PARVA: variants seen among roughly 807,000 people sequenced by gnomAD.
PARVA encodes alpha-parvin.
A neutral mutation model predicts 52.6 loss-of-function variants in PARVA; 25 were observed. The ratio of observed to expected loss-of-function variants is 0.48; its 90% CI spans 0.35 to 0.66. PARVA has a LOEUF of 0.66. Among genes scored for constraint, PARVA ranks in the 30% least tolerant of loss-of-function variants. PARVA has a pLI of 0.01. For synonymous variants in PARVA, 185 were observed against 179.1 expected (o/e 1.03, Z -0.26); for missense variants, 373 against 450.9 (o/e 0.83, Z 1.56).
At chr11:12,447,190 T>C (rs1291643505) in intron 1 of PARVA, among the ~76,000 whole-genome samples, 1 of 152,230 alleles carries the variant, frequency 6.6e-6, no homozygotes, top group East Asian at 1.9e-4. Context: ...CCCTGCCATG[T>C]CTCACTGTAG....
intron 1 of PARVA, among the ~76,000 whole-genome samples, chr11:12,407,214 G>A (rs1203630598): frequency 2.6e-5 from 4 of 152,110 alleles, no homozygotes; most frequent in African/African-American, 9.7e-5. Context: ...TTTAAAATGT[G>A]TATATCTGTG....
At chr11:12,460,932 C>G (rs562166938) in intron 1 of PARVA, among the ~76,000 whole-genome samples, 2 of 152,260 alleles carry the variant, frequency 1.3e-5, no homozygotes, top group East Asian at 3.9e-4. Flanking sequence ...TCTATTGCTG[C>G]CTCAACCCTG....
At chr11:12,518,627 G>C (rs1941600643) in intron 12 of PARVA, 110 bp downstream of exon 12, 4 of 789,560 alleles carry the variant, frequency 5.1e-6, no homozygotes, top group African/African-American at 3.4e-5. Flanking sequence ...TTCGTTGCTG[G>C]GGAAGGTGGG....
At chr11:12,489,101 G>C (rs1941198963) in intron 4 of PARVA, among the ~76,000 whole-genome samples, 1 of 151,804 alleles carries the variant, frequency 6.6e-6, no homozygotes, top group Admixed American at 6.6e-5. Flanking sequence ...AAGGTGGGAG[G>C]ATTGCTTGAG....
At chr11:12,458,957 T>G (rs746769000) in intron 1 of PARVA, among the ~76,000 whole-genome samples, 1 of 152,226 alleles carries the variant, frequency 6.6e-6, no homozygotes, top group Non-Finnish European at 1.5e-5. Context: ...TCTGTCATAC[T>G]TTCTTTGTTC....
chr11:12,486,573 C>T (rs555374832), intron 4 of PARVA, among the ~76,000 whole-genome samples: 59 of 152,020 alleles, frequency 3.9e-4, no homozygotes, highest in African/African-American at 1.2e-3. Context: ...AAGCTGGGTG[C>T]GGTGGCTCAT....
intron 1 of PARVA, among the ~76,000 whole-genome samples, chr11:12,457,743 G>T (rs1460113242): frequency 6.6e-6 from 1 of 152,236 alleles, no homozygotes; most frequent in Non-Finnish European, 1.5e-5. Context: ...GGTGCACAAA[G>T]CCTCAGTCCT....
chr11:12,503,776 G>GA (rs925784043), intron 5 of PARVA, among the ~76,000 whole-genome samples: 1 of 152,180 alleles, frequency 6.6e-6, no homozygotes, highest in Non-Finnish European at 1.5e-5. Context: ...TGAGGCCTGT[G>GA]ATGACCACAG....
At chr11:12,517,785 GC>G (rs1259987457) in intron 11 of PARVA, 74 bp downstream of exon 11, 17 of 1,054,956 alleles carry the variant, frequency 1.6e-5, no homozygotes, top group Non-Finnish European at 2.4e-5. Flanking sequence ...CCATGCTGGG[GC>G]TATCCAGAAA....
intron 1 of PARVA, among the ~76,000 whole-genome samples, chr11:12,472,881 C>T (rs1049280071): frequency 2.0e-5 from 3 of 152,152 alleles, no homozygotes; most frequent in African/African-American, 7.2e-5. Context: ...ACTCACCAAA[C>T]GTCTGTCACA....
At chr11:12,457,016 CTA>C (rs1163080089) in intron 1 of PARVA, among the ~76,000 whole-genome samples, 1 of 152,190 alleles carries the variant, frequency 6.6e-6, no homozygotes, top group Non-Finnish European at 1.5e-5. Flanking sequence ...CTTTGCCACT[CTA>C]TGCTTATATT....
At chr11:12,499,011 C>G (rs1346345179) in intron 5 of PARVA, among the ~76,000 whole-genome samples, 1 of 152,182 alleles carries the variant, frequency 6.6e-6, no homozygotes, top group African/African-American at 2.4e-5. Flanking sequence ...CCACTGTTAA[C>G]TTAAACCCTA....
chr11:12,412,074 A>G (rs188535110), intron 1 of PARVA, among the ~76,000 whole-genome samples: 8 of 152,074 alleles, frequency 5.3e-5, no homozygotes, highest in Non-Finnish European at 1.0e-4. Flanking sequence ...CCCTGATGCA[A>G]TTCCCACTTT....
chr11:12,488,537 G>T (rs1450240178), intron 4 of PARVA, among the ~76,000 whole-genome samples: 1 of 152,214 alleles, frequency 6.6e-6, no homozygotes, highest in Admixed American at 6.5e-5. Flanking sequence ...CTTGGGTAGA[G>T]TCTGAGCAAG....
At chr11:12,516,126 A>C (rs1026104497) in intron 10 of PARVA, among the ~76,000 whole-genome samples, 3 of 152,246 alleles carry the variant, frequency 2.0e-5, no homozygotes, top group Non-Finnish European at 2.9e-5. Flanking sequence ...GGCATGAGCC[A>C]CCGCACTCGG....
intron 1 of PARVA, among the ~76,000 whole-genome samples, chr11:12,436,074 A>T (rs1019775577): frequency 2.0e-5 from 3 of 152,138 alleles, no homozygotes; most frequent in African/African-American, 7.2e-5. Flanking sequence ...CACCTGCCTC[A>T]GTCTCCCAAA....
intron 1 of PARVA, among the ~76,000 whole-genome samples, chr11:12,440,508 A>G (rs1026367552): frequency 6.6e-6 from 1 of 152,238 alleles, no homozygotes; most frequent in East Asian, 1.9e-4. Flanking sequence ...GCTTAAAACA[A>G]TCCATGTATT....
rs1939418333 is a variant in PARVA at position 12,377,766 on chromosome 11, G to A, written c.119G>A (p.Arg40Lys). Residue 40 changes from arginine to lysine, a missense_variant, in exon 1 of 13, where the codon AGG becomes AAG. Physicochemically the swap from Arg to Lys is conservative, Grantham distance 26. Transcript: ENST00000334956. The part of the protein sequence containing the change: ...LGKLGGTLAR[R>K]KKAKEVSELQ... ...AAACTCGGAGGGACCCTGGCCCGGA[G>A]GAAGAAAGCCAAGGAGGGTGAGTGC... is the stretch of plus-strand genomic sequence containing the variant. 1 of 1,521,740 alleles carries A rather than the reference G, an allele frequency of 6.6e-7. No homozygotes were observed. Among genetic ancestry groups the A allele is most frequent in the East Asian group, 2.9e-5 (1 of 34,984 alleles). 94.3% of individuals were successfully genotyped at this position (1,521,740 alleles called of 1,614,324 possible). A position where few individuals can be genotyped will look rare whatever the true frequency, so the allele number is the denominator to read the frequency against.
intron 8 of PARVA, among the ~76,000 whole-genome samples, chr11:12,512,715 C>T (rs1040903549): frequency 6.6e-6 from 1 of 152,224 alleles, no homozygotes; most frequent in African/African-American, 2.4e-5. Flanking sequence ...ACACTTCATC[C>T]TCATGACAAA....
Sources: gnomAD v4.1 joint callset for allele counts (sites outside exome capture counted in the v4.1 genomes callset) on GRCh38, gnomAD v4.1.1 for gene constraint, MANE v1.5 for transcripts, NCBI Gene and HGNC (gene_info 2026-07-23, HGNC 2026-07-21) for gene names.